The following NFILZ variants were observed in gnomAD, a reference collection of about 807,000 sequenced individuals.
The protein encoded by NFILZ is NFIL3 like basic leucine zipper.
At chr19:8,632,270 G>GTT (rs1300143552) in intron 1 of NFILZ, among the ~76,000 whole-genome samples, 3 of 151,252 alleles carry the variant, frequency 2.0e-5, no homozygotes, top group Non-Finnish European at 3.0e-5. Flanking sequence ...GTGTGTGTGT[G>GTT]TGTGTCAGGG....
chr19:8,633,493 C>T (rs1481813350), intron 2 of NFILZ, among the ~76,000 whole-genome samples: 1 of 152,156 alleles, frequency 6.6e-6, no homozygotes, highest in African/African-American at 2.4e-5. Flanking sequence ...GCTGAGGCTG[C>T]ACAGGGAAGG....
chr19:8,645,700 G>T (rs528596931), intron 3 of NFILZ, among the ~76,000 whole-genome samples: 2 of 152,238 alleles, frequency 1.3e-5, no homozygotes, highest in East Asian at 3.9e-4. Flanking sequence ...GGGAGAAATG[G>T]CAGTGACTGC....
chr19:8,663,756 G>GTATGTGTGTA (rs2043047962), intron 3 of NFILZ, among the ~76,000 whole-genome samples: 78 of 148,408 alleles, frequency 5.3e-4, no homozygotes, highest in African/African-American at 1.8e-3. Flanking sequence ...GTGTGTGTGT[G>GTATGTGTGTA]TGTGTGTGTG....
At chr19:8,651,032 A>G (rs1457864556) in intron 3 of NFILZ, among the ~76,000 whole-genome samples, 1 of 152,208 alleles carries the variant, frequency 6.6e-6, no homozygotes. Context: ...TATGGAGTAT[A>G]TGTGATATTT....
chr19:8,670,602 G>C (rs79106014), intron 3 of NFILZ, among the ~76,000 whole-genome samples: 1 of 152,198 alleles, frequency 6.6e-6, no homozygotes, highest in South Asian at 2.1e-4. Context: ...CCAAAGGGGT[G>C]GATGCCGGAG....
chr19:8,648,505 G>C (rs2042952065), intron 3 of NFILZ, among the ~76,000 whole-genome samples: 1 of 151,954 alleles, frequency 6.6e-6, no homozygotes. Flanking sequence ...TTTACATTAT[G>C]TATATATTAC....
At chr19:8,664,568 G>C (rs1410336745) in intron 3 of NFILZ, among the ~76,000 whole-genome samples, 1 of 152,184 alleles carries the variant, frequency 6.6e-6, no homozygotes, top group African/African-American at 2.4e-5. Flanking sequence ...CTCGGTTTTA[G>C]AGATCGGTTT....
At chr19:8,652,346 A>G (rs924454769) in intron 3 of NFILZ, among the ~76,000 whole-genome samples, 1 of 151,118 alleles carries the variant, frequency 6.6e-6, no homozygotes, top group African/African-American at 2.4e-5. Flanking sequence ...CTAGTGATCC[A>G]CTCGCCTCGG....
intron 3 of NFILZ, among the ~76,000 whole-genome samples, chr19:8,665,065 CTT>C (rs1555749631): frequency 6.6e-6 from 1 of 152,136 alleles, no homozygotes; most frequent in Admixed American, 6.5e-5. Flanking sequence ...ATCTCACACT[CTT>C]ATATTTATTC....
At chr19:8,648,450 G>A (rs2042951803) in intron 3 of NFILZ, among the ~76,000 whole-genome samples, 1 of 152,120 alleles carries the variant, frequency 6.6e-6, no homozygotes, top group Non-Finnish European at 1.5e-5. Flanking sequence ...TGTGCTTAAT[G>A]CCTCTGAACT....
intron 3 of NFILZ, among the ~76,000 whole-genome samples, chr19:8,650,667 AAAG>A (rs1600144429): frequency 6.6e-6 from 1 of 151,496 alleles, no homozygotes; most frequent in Admixed American, 6.6e-5. Flanking sequence ...AAAAAAAAAA[AAAG>A]AAGAAAGAAA....
chr19:8,647,791 G>GCACACACA (rs1349279601), intron 3 of NFILZ, among the ~76,000 whole-genome samples: 77 of 70,016 alleles, frequency 1.1e-3, no homozygotes, highest in East Asian at 2.9e-3. Flanking sequence ...GCGCGCGCGC[G>GCACACACA]CGCGCACACA....
chr19:8,633,886 CCTTCCT>C, intron 2 of NFILZ, among the ~76,000 whole-genome samples: 1 of 71,734 alleles, frequency 1.4e-5, no homozygotes, highest in African/African-American at 5.1e-5. Flanking sequence ...TCCCTTCCTT[CCTTCCT>C]TCCTTCCTTC....
At chr19:8,649,944 G>A (rs1247417176) in intron 3 of NFILZ, among the ~76,000 whole-genome samples, 3 of 151,666 alleles carry the variant, frequency 2.0e-5, no homozygotes, top group African/African-American at 2.4e-5. Context: ...GTGAAACCCC[G>A]TCTGTACTAA....
intron 3 of NFILZ, among the ~76,000 whole-genome samples, chr19:8,642,953 C>CTT (rs35200818): frequency 0.24 from 32,995 of 139,246 alleles, 4,556 homozygotes; most frequent in Middle Eastern, 0.34. Context: ...GATTTTGACT[C>CTT]TTTTTTTTTT....
At chr19:8,652,508 G>A (rs2042968786) in intron 3 of NFILZ, among the ~76,000 whole-genome samples, 1 of 152,142 alleles carries the variant, frequency 6.6e-6, no homozygotes, top group Non-Finnish European at 1.5e-5. Flanking sequence ...TGCCGAATTC[G>A]AATGATATCT....
chr19:8,655,665 C>T (rs1480835580), intron 3 of NFILZ, among the ~76,000 whole-genome samples: 3 of 152,104 alleles, frequency 2.0e-5, no homozygotes, highest in African/African-American at 2.4e-5. Context: ...GTTCAGGGGG[C>T]TGGAGGACAT....
At chr19:8,661,101 T>TTC (rs1283731004) in intron 3 of NFILZ, among the ~76,000 whole-genome samples, 4 of 26,116 alleles carry the variant, frequency 1.5e-4, no homozygotes, top group South Asian at 2.8e-3. Flanking sequence ...CCTCCCTTCC[T>TTC]CCTTCCTTCC....
intron 3 of NFILZ, among the ~76,000 whole-genome samples, chr19:8,663,740 G>GTTTGTGTGTGTA (rs1600151892): frequency 7.6e-6 from 1 of 131,646 alleles, no homozygotes; most frequent in African/African-American, 2.9e-5. Context: ...GTGTGTGTGT[G>GTTTGTGTGTGTA]TGTGTGTGTG....
Sources: allele counts gnomAD v4.1 joint callset (sites outside exome capture counted in the v4.1 genomes callset), GRCh38; gene constraint gnomAD v4.1.1; transcripts MANE v1.5; gene names NCBI Gene and HGNC (gene_info 2026-07-23, HGNC 2026-07-21).